Variants in BICD1 observed in about 807,000 individuals in gnomAD.
BICD1 encodes BICD cargo adaptor 1.
A neutral mutation model predicts 92.5 loss-of-function variants in BICD1; 35 were observed. The ratio of observed to expected loss-of-function variants is 0.38; its 90% CI spans 0.29 to 0.50. The LOEUF is 0.50. Ranked by LOEUF, BICD1 falls within the 20% of genes least tolerant of loss-of-function variation. The pLI, the probability that BICD1 is intolerant of heterozygous loss-of-function variation, is 0.93. For synonymous variants in BICD1, 429 were observed against 465.1 expected (o/e 0.92, Z 1.00); for missense variants, 950 against 1,189.8 (o/e 0.80, Z 2.97).
chr12:32,340,336 T>A (rs1938314932), intron 8 of BICD1: 1 of 985,328 alleles, frequency 1.0e-6, no homozygotes, highest in South Asian at 4.7e-5. Flanking sequence ...TTGGTGTTTT[T>A]AATTTCATAA....
chr12:32,273,051 G>C (rs1418012538), intron 2 of BICD1, among the ~76,000 whole-genome samples: 2 of 152,194 alleles, frequency 1.3e-5, no homozygotes, highest in Non-Finnish European at 2.9e-5. Context: ...ATATTCTTAG[G>C]AAGGCAAAAA....
intron 2 of BICD1, among the ~76,000 whole-genome samples, chr12:32,219,113 T>C (rs938262568): frequency 2.0e-5 from 3 of 152,086 alleles, no homozygotes; most frequent in African/African-American, 7.2e-5. Flanking sequence ...TGATGGACCA[T>C]GAGAAATATA....
At chr12:32,215,920 C>A (rs1230007596) in intron 1 of BICD1, among the ~76,000 whole-genome samples, 1 of 134,760 alleles carries the variant, frequency 7.4e-6, no homozygotes, top group South Asian at 2.4e-4. Context: ...CACCACTGCC[C>A]TCCAGCCTGG....
At chr12:32,153,624 C>T (rs1339071963) in intron 1 of BICD1, among the ~76,000 whole-genome samples, 1 of 151,966 alleles carries the variant, frequency 6.6e-6, no homozygotes, top group Non-Finnish European at 1.5e-5. Flanking sequence ...GGCATGATGG[C>T]GTGCACCTGT....
At chr12:32,216,127 G>T in intron 1 of BICD1, 120 bp from the exon 2 acceptor site, 2 of 836,378 alleles carry the variant, frequency 2.4e-6, no homozygotes, top group Non-Finnish European at 1.8e-6. Flanking sequence ...TTATATTTCG[G>T]GGGTCTTGCA....
At chr12:32,235,789 C>T (rs1946052298) in intron 2 of BICD1, among the ~76,000 whole-genome samples, 1 of 151,366 alleles carries the variant, frequency 6.6e-6, no homozygotes, top group Non-Finnish European at 1.5e-5. Context: ...CAACCTCCGC[C>T]TCCCAGGTTC....
chr12:32,243,671 C>A (rs542572756), intron 2 of BICD1, among the ~76,000 whole-genome samples: 1 of 152,208 alleles, frequency 6.6e-6, no homozygotes, highest in South Asian at 2.1e-4. Context: ...ACTTTTGACA[C>A]CCTGAAGGTT....
intron 2 of BICD1, among the ~76,000 whole-genome samples, chr12:32,247,655 C>G (rs144795942): frequency 2.0e-5 from 3 of 151,782 alleles, no homozygotes; most frequent in Non-Finnish European, 4.4e-5. Context: ...GGTGCACACT[C>G]ACTTCACTCT....
intron 1 of BICD1, among the ~76,000 whole-genome samples, chr12:32,150,067 C>T (rs1943244861): frequency 6.6e-6 from 1 of 152,068 alleles, no homozygotes; most frequent in Non-Finnish European, 1.5e-5. Flanking sequence ...GGAGAACTCC[C>T]CTTTATAAAA....
intron 9 of BICD1, chr12:32,367,980 T>G: frequency 2.1e-6 from 1 of 467,844 alleles, no homozygotes; most frequent in Non-Finnish European, 3.9e-6. Flanking sequence ...ACAGGCTGCC[T>G]TCAGCCCCTT....
intron 8 of BICD1, among the ~76,000 whole-genome samples, chr12:32,360,882 A>G (rs1428136480): frequency 6.6e-6 from 1 of 152,236 alleles, no homozygotes; most frequent in African/African-American, 2.4e-5. Flanking sequence ...ATAGGATCCA[A>G]AATATTCATC....
rs1450382734 is a variant in BICD1 at position 32,305,806 on chromosome 12, A to T, written c.689A>T (p.Gln230Leu). The part of the protein sequence containing the change: ...AIRLKEIAEH[Q>L]LEEALETLKN... ...CGATTGAAAGAGATTGCTGAGCACCAACTGGAAGAAGCCCTCGAGACTTTA... is the reference window on the plus strand; with the variant it reads ...CGATTGAAAGAGATTGCTGAGCACCTACTGGAAGAAGCCCTCGAGACTTTA... The change falls in exon 4 of 10, where the codon CAA becomes CTA. Residue 230 changes from glutamine to leucine, a missense_variant. Gln to Leu is a moderately radical substitution (Grantham distance 113). Coordinates refer to ENST00000652176, the MANE Select transcript of BICD1 (RefSeq NM_001714.4). 1 of 1,614,234 alleles carries T rather than the reference A, an allele frequency of 6.2e-7. No homozygotes were observed. The highest frequency in any genetic ancestry group is 8.5e-7 in the Non-Finnish European group (1 of 1,180,042).
At chr12:32,253,402 C>T (rs756278914) in intron 2 of BICD1, among the ~76,000 whole-genome samples, 1 of 152,126 alleles carries the variant, frequency 6.6e-6, no homozygotes, top group Admixed American at 6.5e-5. Flanking sequence ...CTGGACTTCT[C>T]TAACAGCATT....
intron 6 of BICD1, among the ~76,000 whole-genome samples, chr12:32,336,190 A>G (rs892944978): frequency 2.6e-5 from 4 of 152,214 alleles, no homozygotes; most frequent in African/African-American, 9.7e-5. Flanking sequence ...TGGCATGAAC[A>G]GTATTTGTTA....
At chr12:32,304,872 TA>T (rs145928454) in intron 3 of BICD1, among the ~76,000 whole-genome samples, 25,569 of 151,272 alleles carry the variant, frequency 0.17, 2,767 homozygotes, top group African/African-American at 0.3. Flanking sequence ...AAATAAAAAA[TA>T]AAAAAAATAG....
intron 1 of BICD1, among the ~76,000 whole-genome samples, chr12:32,128,366 T>C (rs1250852656): frequency 2.0e-5 from 3 of 152,248 alleles, no homozygotes; most frequent in Non-Finnish European, 2.9e-5. Context: ...CCTCTAGTGC[T>C]GAACAAATTC....
chr12:32,135,061 C>CCCCCCCTCCCCTTCCCCT (rs1942682090), intron 1 of BICD1, among the ~76,000 whole-genome samples: 2 of 125,188 alleles, frequency 1.6e-5, no homozygotes, highest in African/African-American at 3.1e-5. Flanking sequence ...CCTCCATTCC[C>CCCCCCCTCCCCTTCCCCT]CTCCCCTCCC....
intron 4 of BICD1, among the ~76,000 whole-genome samples, chr12:32,325,878 C>T (rs187789): frequency 0.59 from 89,785 of 151,178 alleles, 27,188 homozygotes; most frequent in Middle Eastern, 0.69. Flanking sequence ...GTCAGGAGAT[C>T]GAGACTATCC....
intron 1 of BICD1, among the ~76,000 whole-genome samples, chr12:32,213,733 G>A (rs778315921): frequency 3.3e-5 from 5 of 152,116 alleles, no homozygotes; most frequent in Non-Finnish European, 5.9e-5. Flanking sequence ...CATGATGTCA[G>A]TATGTCTCAT....
Sources: allele counts gnomAD v4.1 joint callset (sites outside exome capture counted in the v4.1 genomes callset), GRCh38; gene constraint gnomAD v4.1.1; transcripts MANE v1.5; gene names NCBI Gene and HGNC (gene_info 2026-07-23, HGNC 2026-07-21).